Variants in NSD1 observed in about 807,000 individuals in gnomAD.
NSD1 encodes histone-lysine N-methyltransferase, H3 lysine-36 specific.
In NSD1, 26 loss-of-function variants were observed where a neutral mutation model predicts 242.7. That is an observed-to-expected ratio of 0.11 (90% CI 0.08 to 0.15). NSD1 has a LOEUF of 0.15. Ranked by LOEUF, NSD1 falls within the 10% of genes least tolerant of loss-of-function variation. The probability of loss-of-function intolerance (pLI) is 1.00; values close to 1 mark genes in which losing one functional copy is unlikely to be tolerated. For missense variants in NSD1, 2,495 were observed against 3,272.8 expected, an observed-to-expected ratio of 0.76 and a Z score of 5.80; for synonymous variants, 1,106 against 1,178.1, an observed-to-expected ratio of 0.94 and a Z score of 1.25.
rs1463541510 is a variant in NSD1, at chr5:177,295,753, C to T, written c.*294C>T. On this transcript the variant is annotated 3_prime_UTR_variant, in exon 23 of 23. Coordinates refer to ENST00000439151, the MANE Select transcript of NSD1 (RefSeq NM_022455.5). The surrounding 1 kb of genome is among the most constrained non-coding windows in gnomAD (Gnocchi z 4.3). ...GTCATCGTGAAATAAAAAGTCCACT[C>T]TGGAGTCAAGTATGGAATTCAATTC... The T allele has an allele frequency of 1.9e-6, 1 of 519,814 alleles. No individual in the cohort carries two copies. The highest frequency in any genetic ancestry group is 3.5e-6 in the Non-Finnish European group (1 of 287,236). 32.2% of individuals were successfully genotyped at this position (519,814 alleles called of 1,614,324 possible). A position where few individuals can be genotyped will look rare whatever the true frequency, so the allele number is the denominator to read the frequency against.
chr5:177,266,794 G>A (rs566593699), intron 14 of NSD1: 1 of 226,082 alleles, frequency 4.4e-6, no homozygotes, highest in Non-Finnish European at 8.6e-6. Context: ...TGGCAAGAGC[G>A]TGGCTCATTT....
intron 14 of NSD1, among the ~76,000 whole-genome samples, chr5:177,264,128 C>T (rs907861786): frequency 3.2e-4 from 47 of 148,708 alleles, no homozygotes; most frequent in Non-Finnish European, 7.4e-5. Context: ...CCCCACCTCC[C>T]GGGTTCAAGC....
rs376895770 is a variant in NSD1, at chr5:177,195,205, A to G, written c.1063+3186A>G. Among the ~76,000 whole-genome samples, 5 of 151,888 alleles carry G rather than the reference A, an allele frequency of 3.3e-5. No homozygotes were observed. In the South Asian group the frequency reaches 6.2e-4, roughly 19 times the overall value. On this transcript the variant is annotated intron_variant, in intron 3 of 22. Transcript: ENST00000439151. ...GTGTTAAAAATTTAATACCTTGACCAGACACGGTAGCTCATGCCTATAATC... is the reference window on the plus strand; with the variant it reads ...GTGTTAAAAATTTAATACCTTGACCGGACACGGTAGCTCATGCCTATAATC...
In NSD1 at chr5:177,294,271, G is replaced by T; in HGVS notation, c.6903G>T (p.Gly2301=). 1 of 1,614,032 alleles carries T rather than the reference G, an allele frequency of 6.2e-7. No individual in the cohort carries two copies. The highest frequency in any genetic ancestry group is 1.1e-5 in the South Asian group (1 of 91,078). The stretch of plus-strand genomic sequence containing the variant: ...TAGATAAGGTCAGAGACCTCGCTGG[G>T]TCAGGGACCAAATCCCAATCCTTGG... The part of the protein sequence containing the change: ...QPLDKVRDLA[G]SGTKSQSLVS... The change falls in exon 23 of 23, where the codon GGG becomes GGT. Residue 2301 remains glycine (G), a synonymous_variant. Transcript: ENST00000439151.
At chr5:177,227,256 A>G (rs1764702575) in intron 5 of NSD1, among the ~76,000 whole-genome samples, 1 of 152,218 alleles carries the variant, frequency 6.6e-6, no homozygotes, top group Non-Finnish European at 1.5e-5. Flanking sequence ...AATTCAGAAT[A>G]AAGAAAGTGC....
chr5:177,219,961 C>CAAAAA (rs557660794), intron 5 of NSD1, among the ~76,000 whole-genome samples: 1 of 144,162 alleles, frequency 6.9e-6, no homozygotes, highest in Non-Finnish European at 1.5e-5. Flanking sequence ...GATCCTGTGT[C>CAAAAA]AAAAAAAAAA....
chr5:177,186,803 A>G (rs1761271220), intron 2 of NSD1, among the ~76,000 whole-genome samples: 2 of 152,170 alleles, frequency 1.3e-5, no homozygotes, highest in East Asian at 3.9e-4. Context: ...AGCCTGGGGA[A>G]CACAGGGAGA....
chr5:177,251,610 C>T, intron 11 of NSD1, 120 bp from the exon 12 acceptor site: 2 of 989,992 alleles, frequency 2.0e-6, no homozygotes, highest in South Asian at 1.4e-5. Flanking sequence ...GGGCCCTTGC[C>T]TCTTTCTCAC....
intron 21 of NSD1, among the ~76,000 whole-genome samples, chr5:177,291,720 G>T (rs1310326910): frequency 6.6e-6 from 1 of 152,132 alleles, no homozygotes; most frequent in East Asian, 1.9e-4. Context: ...CAGCCTTATG[G>T]ATCAGCAAAA....
chr5:177,168,680 C>T (rs1373974384), intron 2 of NSD1, among the ~76,000 whole-genome samples: 1 of 152,020 alleles, frequency 6.6e-6, no homozygotes, highest in Non-Finnish European at 1.5e-5. Context: ...AGGCTGGTCT[C>T]GAACTCCTGA....
At chr5:177,194,601 T>TAA (rs1426153945) in intron 3 of NSD1, among the ~76,000 whole-genome samples, 3 of 143,710 alleles carry the variant, frequency 2.1e-5, no homozygotes, top group African/African-American at 5.5e-5. Flanking sequence ...TTTTTTTTTT[T>TAA]TAAAAAGGAT....
intron 11 of NSD1, 144 bp downstream of exon 11, chr5:177,248,468 C>A (rs908008476): frequency 1.4e-5 from 16 of 1,138,222 alleles, no homozygotes; most frequent in Non-Finnish European, 2.1e-5. Flanking sequence ...AAGGATTTGA[C>A]CCCTTTTTTT....
rs1450500431 is a variant in NSD1 at position 177,233,576 on chromosome 5, A to T, written c.3797-2245A>T. Among the ~76,000 whole-genome samples, 14 of 131,760 alleles carry T rather than the reference A, an allele frequency of 1.1e-4. No individual in the cohort carries two copies. In the East Asian group the frequency reaches 1.8e-3, roughly 17 times the overall value. 86.4% of individuals were successfully genotyped at this position (131,760 alleles called of 152,430 possible). On this transcript the variant is annotated intron_variant, in intron 5 of 22. Coordinates refer to ENST00000439151, the MANE Select transcript of NSD1 (RefSeq NM_022455.5). ...TTTTTTTAAGTAGAGACAGGCTTTC[A>T]CCATATTGGCCAGGCTGGTCTCGAA...
rs925357763 is a variant in NSD1 at position 177,209,788 on chromosome 5, T to A, written c.1389T>A (p.Asp463Glu). 6.2e-7 allele frequency: 1 copy of A among 1,614,040 alleles called. No homozygotes were observed. The highest frequency in any genetic ancestry group is 8.5e-7 in the Non-Finnish European group (1 of 1,180,030). The change falls in exon 5 of 23, where the codon GAT (aspartate) becomes GAA (glutamate). Residue 463 changes from aspartate to glutamate, a missense_variant. Asp to Glu is a conservative substitution (Grantham distance 45). Coordinates refer to ENST00000439151, the MANE Select transcript of NSD1 (RefSeq NM_022455.5). ...EDMPFEDCTN[D>E]PESEHDLLLN... Reference sequence around the variant, plus strand: ...TGCCATTTGAAGACTGCACAAATGATCCTGAGTCAGAACATGACCTGTTGC... The same window carrying A: ...TGCCATTTGAAGACTGCACAAATGAACCTGAGTCAGAACATGACCTGTTGC...
chr5:177,295,467 C>T lies in NSD1; in HGVS notation c.*8C>T. 6.2e-7 allele frequency: 1 copy of T among 1,613,498 alleles called. No individual in the cohort carries two copies. The highest frequency in any genetic ancestry group is 2.2e-5 in the East Asian group (1 of 44,880). On this transcript the variant is annotated 3_prime_UTR_variant, in exon 23 of 23. Coordinates refer to ENST00000439151, the MANE Select transcript of NSD1 (RefSeq NM_022455.5). The surrounding 1 kb of genome is among the most constrained non-coding windows in gnomAD (Gnocchi z 4.3). ...GAATCAGAACAGAAGTAGTACCAAT[C>T]AATGTCACATGAACAAACAAGCTGC...
intron 2 of NSD1, among the ~76,000 whole-genome samples, chr5:177,191,306 GTATT>G (rs143465533): frequency 0.025 from 3,858 of 152,190 alleles, 50 homozygotes; most frequent in African/African-American, 0.029. Context: ...ACTTCTGTGA[GTATT>G]TAGAAGAATT....
chr5:177,233,426 T>C (rs1466761924), intron 5 of NSD1, among the ~76,000 whole-genome samples: 2 of 151,912 alleles, frequency 1.3e-5, no homozygotes, highest in Non-Finnish European at 2.9e-5. Context: ...TGGAGTGCAG[T>C]GGCTAGATCT....
intron 5 of NSD1, among the ~76,000 whole-genome samples, chr5:177,221,563 T>A (rs1764238807): frequency 6.7e-6 from 1 of 148,446 alleles, no homozygotes; most frequent in Non-Finnish European, 1.5e-5. Flanking sequence ...ACTCCCGGGT[T>A]CAAGCAATTC....
chr5:177,206,742 T>G (rs745898143), intron 4 of NSD1, among the ~76,000 whole-genome samples: 1 of 152,172 alleles, frequency 6.6e-6, no homozygotes, highest in African/African-American at 2.4e-5. Flanking sequence ...GTTAAGTCTT[T>G]AGGTACGTAG....
Sources: allele counts gnomAD v4.1 joint callset (sites outside exome capture counted in the v4.1 genomes callset), GRCh38; gene constraint gnomAD v4.1.1; non-coding constraint Gnocchi (gnomAD v3.1); transcripts MANE v1.5; gene names NCBI Gene and HGNC (gene_info 2026-07-23, HGNC 2026-07-21).